The following NLRP13 variants were observed in gnomAD, a reference collection of about 807,000 sequenced individuals.
The protein encoded by NLRP13 is NACHT, LRR and PYD domains-containing protein 13.
In NLRP13, 82 loss-of-function variants were observed where a neutral mutation model predicts 94.4. The ratio of observed to expected loss-of-function variants is 0.87; its 90% CI spans 0.73 to 1.04. The LOEUF is 1.04. Among genes scored for constraint, NLRP13 ranks in the 50% least tolerant of loss-of-function variants. The pLI is 0.00. For missense variants in NLRP13, 1,426 were observed against 1,230.8 expected (o/e 1.16, Z -2.37); for synonymous variants, 553 against 464.7 (o/e 1.19, Z -2.45).
intron 1 of NLRP13, among the ~76,000 whole-genome samples, chr19:55,931,480 G>A (rs984645447): frequency 1.3e-5 from 2 of 151,724 alleles, no homozygotes; most frequent in Admixed American, 6.6e-5. Flanking sequence ...AGGTCGAGGC[G>A]AGCAGATCAC....
In NLRP13 at chr19:55,911,971, A is replaced by G. The variant is rs143168899; in HGVS notation, c.1846T>C (p.Leu616=). The G allele has an allele frequency of 2.7e-5, 43 of 1,614,090 alleles. No homozygotes were observed. In the African/African-American group the frequency reaches 5.3e-4, roughly 20 times the overall value. Residue 616 remains leucine, a synonymous_variant, in exon 5 of 11, where the codon TTA becomes CTA. Coordinates refer to ENST00000342929, the MANE Select transcript of NLRP13 (RefSeq NM_176810.2). ...CKISPRVMEE[L]LKWGEELGKA... is the part of the protein sequence containing the mutation. ...CCTAACTCTTCTCCCCACTTTAATA[A>G]TTCCTCCATTACCCTGGGAGATATT...
At chr19:55,914,876 A>T (rs1335428615) in intron 4 of NLRP13, among the ~76,000 whole-genome samples, 3 of 152,234 alleles carry the variant, frequency 2.0e-5, no homozygotes, top group Admixed American at 2.0e-4. Flanking sequence ...ATAGTGCTGC[A>T]ATGAACATGG....
downstream of NLRP13, among the ~76,000 whole-genome samples, chr19:55,895,245 A>C (rs1985974723): frequency 6.6e-6 from 1 of 151,204 alleles, no homozygotes; most frequent in Non-Finnish European, 1.5e-5. Flanking sequence ...AGCCAGGCGT[A>C]GTGGCATGCA....
In NLRP13 at chr19:55,902,087, T is replaced by C. The variant is rs370248185; in HGVS notation, c.2737A>G (p.Lys913Glu). The C allele has an allele frequency of 2.5e-5, 41 of 1,614,052 alleles. No homozygotes were observed. The African/African-American group carries it at 5.1e-4, about 20-fold the overall frequency. Residue 913 changes from lysine to glutamate, a missense_variant, in exon 9 of 11, where the codon AAG (lysine) becomes GAG (glutamate). Coordinates refer to ENST00000342929, the MANE Select transcript of NLRP13 (RefSeq NM_176810.2). ...CGACCCAAGGCCTCACACAGGAACTTGACTCCCTCGTCTCTCAGGCTGTTC... is the reference window on the plus strand; with the variant it reads ...CGACCCAAGGCCTCACACAGGAACTCGACTCCCTCGTCTCTCAGGCTGTTC... ...SKNSLRDEGVKFLCEALGRPD... is the reference protein window; with the variant it reads ...SKNSLRDEGVEFLCEALGRPD...
intron 9 of NLRP13, among the ~76,000 whole-genome samples, chr19:55,900,200 G>T (rs899197205): frequency 6.6e-6 from 1 of 151,318 alleles, no homozygotes; most frequent in African/African-American, 2.4e-5. Context: ...AAACAAGAAA[G>T]AATTCCCTAC....
intron 1 of NLRP13, among the ~76,000 whole-genome samples, chr19:55,928,575 G>T (rs1459476022): frequency 6.6e-6 from 1 of 152,104 alleles, no homozygotes; most frequent in Non-Finnish European, 1.5e-5. Flanking sequence ...AAACTTTTAA[G>T]TTTATATTTT....
downstream of NLRP13, among the ~76,000 whole-genome samples, chr19:55,892,567 G>A (rs951172887): frequency 1.3e-4 from 19 of 151,986 alleles, no homozygotes; most frequent in South Asian, 2.1e-4. Context: ...GATTATAGGC[G>A]CACACCACCA....
intron 4 of NLRP13, among the ~76,000 whole-genome samples, chr19:55,920,089 C>G (rs866125794): frequency 1.3e-5 from 2 of 152,262 alleles, no homozygotes; most frequent in Non-Finnish European, 2.9e-5. Flanking sequence ...AAAGGGCACT[C>G]TATTCAATAA....
chr19:55,917,802 AAAT>A (rs553245530), intron 4 of NLRP13, among the ~76,000 whole-genome samples: 5 of 152,090 alleles, frequency 3.3e-5, no homozygotes, highest in Non-Finnish European at 5.9e-5. Context: ...AAAGACAGCA[AAAT>A]AATAATAGTG....
At chr19:55,892,882 C>A (rs1251939139), downstream of NLRP13, among the ~76,000 whole-genome samples, 3 of 152,162 alleles carry the variant, frequency 2.0e-5, no homozygotes, top group African/African-American at 7.2e-5. Context: ...CTTTTTAGAG[C>A]AGTGTAGTAC....
chr19:55,892,342 GTGTCT>G (rs1985875588), downstream of NLRP13, among the ~76,000 whole-genome samples: 1 of 151,238 alleles, frequency 6.6e-6, no homozygotes, highest in South Asian at 2.1e-4. Context: ...TAGTAGTCCC[GTGTCT>G]TGTCAACAAA....
At position 55,924,642 on chromosome 19, in the gene NLRP13, C is replaced by A; in HGVS notation, c.405G>T (p.Gln135His). Residue 135 changes from glutamine to histidine, a missense_variant, in exon 3 of 11, where the codon CAG becomes CAT. Coordinates refer to ENST00000342929, the MANE Select transcript of NLRP13 (RefSeq NM_176810.2). ...CTTCTTGGTTTGGATCTTGGCATCC[C>A]TGGGTCTGCATATTCCCTGAAATAA... ...LEAAAGNMQT[Q>H]GCQDPNQEEL... 1 of 1,613,430 alleles carries A rather than the reference C, an allele frequency of 6.2e-7. No individual in the cohort carries two copies.
intron 4 of NLRP13, among the ~76,000 whole-genome samples, chr19:55,923,061 G>C (rs1449354385): frequency 6.6e-6 from 1 of 152,132 alleles, no homozygotes; most frequent in African/African-American, 2.4e-5. Flanking sequence ...ACTAAACTTA[G>C]AACTAGAATG....
At position 55,907,802 on chromosome 19, in the gene NLRP13, T is replaced by G; in HGVS notation, c.2437A>C (p.Lys813Gln). ...KALRHSACNL[K>Q]YLCLEKCNLS... ...GAGCCAAAGACTTACCACAGATACT[T>G]GAGGTTGCAAGCTGAGTGTCTCAAA... The change falls in exon 7 of 11, where the codon AAG (lysine) becomes CAG (glutamine). Residue 813 changes from lysine to glutamine, a missense_variant. By Grantham distance (53) the Lys-to-Gln change is moderately conservative. Transcript: ENST00000342929. 6.2e-7 allele frequency: 1 copy of G among 1,613,652 alleles called. No homozygotes were observed. The highest frequency in any genetic ancestry group is 8.5e-7 in the Non-Finnish European group (1 of 1,179,808).
chr19:55,902,252 G>T, intron 8 of NLRP13, 47 bp from the exon 9 acceptor site: 2 of 1,577,606 alleles, frequency 1.3e-6, no homozygotes, highest in Non-Finnish European at 1.7e-6. Flanking sequence ...AAGCAGCCCA[G>T]ACCCAGGCTC....
rs1184640947 is a variant in NLRP13, at chr19:55,902,126, GGT to G, written c.2696_2697del (p.His899ProfsTer18). On this transcript the variant is annotated frameshift_variant, in exon 9 of 11. Coordinates refer to ENST00000342929, the MANE Select transcript of NLRP13 (RefSeq NM_176810.2). LOFTEE classifies it high-confidence loss of function. ...CTCAGGCTGTTCTTGCTCAGATTCA[GGT>G]GTGTCAGGCTCCTGTTCTGCAGGAG... ...DALLQNRSLT[H>X]LNLSKNSLRD... 5.6e-6 allele frequency: 9 copies of G among 1,614,016 alleles called. No individual in the cohort carries two copies. The highest frequency in any genetic ancestry group is 7.6e-6 in the Non-Finnish European group (9 of 1,180,028).
Position 55,910,556 on chromosome 19 carries a change from C to A in NLRP13, c.2282+7G>T, listed in dbSNP as rs769524288. On this transcript the variant is annotated splice_region_variant and intron_variant, in intron 6 of 10. Transcript: ENST00000342929. ...ATCTTCTTGAGCTGCTGGCGTCTCA[C>A]ACTTACGTCAGTTTCTGGACTTTGC... 4 of 1,588,806 alleles carry A rather than the reference C, an allele frequency of 2.5e-6. No homozygotes were observed. The highest frequency in any genetic ancestry group is 3.4e-6 in the Non-Finnish European group (4 of 1,162,488).
chr19:55,899,951 TTG>T (rs1271838611), intron 9 of NLRP13, among the ~76,000 whole-genome samples: 41 of 40,244 alleles, frequency 1.0e-3, no homozygotes, highest in Admixed American at 7.3e-3. Flanking sequence ...AATATAATTG[TTG>T]TTTTTTTTTT....
Position 55,913,091 on chromosome 19 carries a change from G to A in NLRP13, c.726C>T (p.Thr242=), listed in dbSNP as rs1196386027. The A allele has an allele frequency of 1.2e-6, 2 of 1,614,038 alleles. No individual in the cohort carries two copies. Among genetic ancestry groups the A allele is most frequent in the Non-Finnish European group, 1.7e-6 (2 of 1,180,034 alleles). Residue 242 remains threonine (T), a synonymous_variant, in exon 5 of 11, where the codon ACC becomes ACT. Transcript: ENST00000342929. ...GCAGCATAGCCTGCATTGCCAAGGTGGTCTTCCCAACCCCTGCCCTCCCCA... is the reference window on the plus strand; with the variant it reads ...GCAGCATAGCCTGCATTGCCAAGGTAGTCTTCCCAACCCCTGCCCTCCCCA... ...VLVGRAGVGK[T]TLAMQAMLHW... is the part of the protein sequence containing the mutation.
Sources: gnomAD v4.1 joint callset for allele counts (sites outside exome capture counted in the v4.1 genomes callset) on GRCh38, gnomAD v4.1.1 for gene constraint, MANE v1.5 for transcripts, NCBI Gene and HGNC (gene_info 2026-07-23, HGNC 2026-07-21) for gene names.